The following GRM8 variants were observed in gnomAD, a reference collection of about 807,000 sequenced individuals.
The protein encoded by GRM8 is metabotropic glutamate receptor 8.
GRM8 carries 47 observed loss-of-function variants against 87.2 expected under a neutral mutation model. The ratio of observed to expected loss-of-function variants is 0.54; its 90% CI spans 0.43 to 0.69. The LOEUF is 0.69. GRM8 is among the 30% of genes least tolerant of loss of function. The probability of loss-of-function intolerance (pLI) is 0.00; values close to 1 mark genes in which losing one functional copy is unlikely to be tolerated. For missense variants in GRM8, 1,019 were observed against 1,139.2 expected (o/e 0.89, Z 1.52); for synonymous variants, 396 against 404.5 (o/e 0.98, Z 0.25).
At chr7:127,174,301 T>C (rs1222895809) in intron 2 of GRM8, among the ~76,000 whole-genome samples, 1 of 152,104 alleles carries the variant, frequency 6.6e-6, no homozygotes, top group African/African-American at 2.4e-5. Context: ...GTAGGAAAAG[T>C]AGAGGCAAGA....
At chr7:127,077,499 T>C (rs1822406489) in intron 3 of GRM8, among the ~76,000 whole-genome samples, 1 of 152,194 alleles carries the variant, frequency 6.6e-6, no homozygotes, top group African/African-American at 2.4e-5. Flanking sequence ...GCCTAGCTAC[T>C]GGGGTGAAGG....
At chr7:127,102,903 C>T (rs1004175762) in intron 3 of GRM8, among the ~76,000 whole-genome samples, 24 of 152,232 alleles carry the variant, frequency 1.6e-4, no homozygotes, top group Non-Finnish European at 5.9e-5. Flanking sequence ...GCAGCTTGAA[C>T]CCAGGTTGAA....
intron 9 of GRM8, among the ~76,000 whole-genome samples, chr7:126,481,612 A>G (rs976493040): frequency 1.3e-5 from 2 of 151,996 alleles, no homozygotes; most frequent in African/African-American, 4.8e-5. Context: ...AAGTTAACTG[A>G]CCAGTACTAT....
chr7:126,892,033 A>AAC lies in GRM8; in HGVS notation c.1156+10508_1156+10509insGT, dbSNP rs1554522690. Among the ~76,000 whole-genome samples, 23 of 151,162 alleles carry AAC rather than the reference A, an allele frequency of 1.5e-4. No individual in the cohort carries two copies. In the South Asian group the frequency reaches 4.2e-3, roughly 27 times the overall value. ...TGTTCTTGCAGGGTAAAAAAAAAAA[A>AAC]AAAAAAAAAACCCTAATAAACTAAT... On this transcript the variant is annotated intron_variant, in intron 6 of 10. Coordinates refer to ENST00000339582, the MANE Select transcript of GRM8 (RefSeq NM_000845.3).
At chr7:126,646,121 A>C (rs1429875078) in intron 7 of GRM8, among the ~76,000 whole-genome samples, 1 of 152,150 alleles carries the variant, frequency 6.6e-6, no homozygotes, top group African/African-American at 2.4e-5. Flanking sequence ...ATTATGTCTT[A>C]CTGCTTTCTT....
At chr7:127,067,733 T>C (rs950082030) in intron 3 of GRM8, among the ~76,000 whole-genome samples, 1 of 152,216 alleles carries the variant, frequency 6.6e-6, no homozygotes, top group African/African-American at 2.4e-5. Context: ...GACATTTCTT[T>C]TATAGCAAAA....
chr7:127,005,524 C>G (rs889872419), intron 3 of GRM8, among the ~76,000 whole-genome samples: 37 of 151,754 alleles, frequency 2.4e-4, no homozygotes, highest in African/African-American at 8.9e-4. Flanking sequence ...ACTATTTCAA[C>G]CAGACATAGT....
intron 3 of GRM8, among the ~76,000 whole-genome samples, chr7:126,984,014 T>C (rs1811797885): frequency 6.6e-6 from 1 of 150,976 alleles, no homozygotes; most frequent in African/African-American, 2.4e-5. Flanking sequence ...ATATCTTCAT[T>C]TGTACCAAGA....
In GRM8 at chr7:126,833,286, C is replaced by T. The variant is rs577287922; in HGVS notation, c.1157-63221G>A. Among the ~76,000 whole-genome samples the T allele has an allele frequency of 1.1e-3, 173 of 152,302 alleles. 1 individual carries two copies. The highest frequency in any genetic ancestry group is 9.7e-3 in the Admixed American group (149 of 15,308). ...CACAGCAGTAGAAAAATTTAGACAA[C>T]TATTTGCGAGAACTTATCATCTGAG... On this transcript the variant is annotated intron_variant, in intron 6 of 10. Coordinates refer to ENST00000339582, the MANE Select transcript of GRM8 (RefSeq NM_000845.3).
intron 9 of GRM8, chr7:126,511,380 C>T (rs1811346790): frequency 6.6e-6 from 1 of 152,138 alleles, no homozygotes; most frequent in Admixed American, 6.6e-5. Flanking sequence ...CTCAGCAATA[C>T]ATCTCCTTGA....
intron 6 of GRM8, among the ~76,000 whole-genome samples, chr7:126,874,137 G>A (rs924894264): frequency 1.6e-4 from 25 of 152,018 alleles, no homozygotes; most frequent in Non-Finnish European, 3.4e-4. Context: ...TTCTCTAACT[G>A]CCTGATGGAA....
chr7:127,149,391 T>G (rs1828722360), intron 2 of GRM8, among the ~76,000 whole-genome samples: 1 of 151,992 alleles, frequency 6.6e-6, no homozygotes, highest in East Asian at 1.9e-4. Flanking sequence ...TTAGAATGGT[T>G]ATTATCAAAA....
chr7:127,163,273 C>G (rs973503599), intron 2 of GRM8, among the ~76,000 whole-genome samples: 1 of 152,142 alleles, frequency 6.6e-6, no homozygotes, highest in Non-Finnish European at 1.5e-5. Flanking sequence ...TTCTCTCTGG[C>G]TTCTTGTTGA....
At position 127,136,331 on chromosome 7, in the gene GRM8, G is replaced by T. The variant is rs1003322042; in HGVS notation, c.511-29619C>A. On this transcript the variant is annotated intron_variant, in intron 2 of 10. Transcript: ENST00000339582. ...AACTCTTAATTCATTCCACAGATAT[G>T]ATTTACCCCTAATAGCCAGAAGCAT... 4.6e-5 allele frequency among the ~76,000 whole-genome samples: 7 copies of T among 152,044 alleles called. No individual in the cohort carries two copies. In the East Asian group the frequency reaches 1.4e-3, roughly 29 times the overall value.
chr7:126,749,447 T>C (rs1216812722), intron 7 of GRM8, among the ~76,000 whole-genome samples: 2 of 151,802 alleles, frequency 1.3e-5, no homozygotes, highest in African/African-American at 2.4e-5. Flanking sequence ...TTTTAGAAAG[T>C]TGACAAATTA....
At chr7:126,787,959 T>G (rs1047688755) in intron 6 of GRM8, among the ~76,000 whole-genome samples, 3 of 152,110 alleles carry the variant, frequency 2.0e-5, no homozygotes, top group African/African-American at 7.2e-5. Flanking sequence ...ACCTAAAAAT[T>G]AAATATATCA....
chr7:126,793,931 A>T (rs942875790), intron 6 of GRM8, among the ~76,000 whole-genome samples: 3 of 152,296 alleles, frequency 2.0e-5, no homozygotes, highest in African/African-American at 7.2e-5. Flanking sequence ...GTGGTTAATC[A>T]ATAATGCCTT....
At chr7:126,655,271 A>C (rs1345705374) in intron 7 of GRM8, among the ~76,000 whole-genome samples, 1 of 152,196 alleles carries the variant, frequency 6.6e-6, no homozygotes, top group Non-Finnish European at 1.5e-5. Flanking sequence ...CATCTGGTTG[A>C]GTTCCATACC....
At chr7:126,728,776 AGGGGAGGCTTCCTGCT>A (rs1431485761) in intron 7 of GRM8, among the ~76,000 whole-genome samples, 1 of 152,166 alleles carries the variant, frequency 6.6e-6, no homozygotes, top group African/African-American at 2.4e-5. Flanking sequence ...TCCATGGTCC[AGGGGAGGCTTCCTGCT>A]GGCTTCTGGG....
Sources: gnomAD v4.1 joint callset for allele counts (sites outside exome capture counted in the v4.1 genomes callset) on GRCh38, gnomAD v4.1.1 for gene constraint, MANE v1.5 for transcripts, NCBI Gene and HGNC (gene_info 2026-07-23, HGNC 2026-07-21) for gene names.